Variants in PDZRN4 observed in about 807,000 individuals in gnomAD.
The protein encoded by PDZRN4 is PDZ domain-containing RING finger protein 4.
PDZRN4 carries 70 observed loss-of-function variants against 99.0 expected under a neutral mutation model. That is an observed-to-expected ratio of 0.71 (90% CI 0.58 to 0.86). The LOEUF (loss-of-function observed/expected upper bound fraction) is 0.86. PDZRN4 is among the 40% of genes least tolerant of loss of function. The probability of loss-of-function intolerance (pLI) is 0.00; values close to 1 mark genes in which losing one functional copy is unlikely to be tolerated. For synonymous variants in PDZRN4, 551 were observed against 501.6 expected (o/e 1.10, Z -1.32); for missense variants, 1,474 against 1,331.2 (o/e 1.11, Z -1.67).
intron 3 of PDZRN4, among the ~76,000 whole-genome samples, chr12:41,437,209 A>G (rs1445801388): frequency 1.3e-5 from 2 of 152,176 alleles, no homozygotes; most frequent in African/African-American, 4.8e-5. Context: ...TTAAAACTGA[A>G]TGATGCCCCT....
chr12:41,341,574 A>G (rs1951816972), intron 3 of PDZRN4, among the ~76,000 whole-genome samples: 1 of 151,888 alleles, frequency 6.6e-6, no homozygotes, highest in Non-Finnish European at 1.5e-5. Context: ...TTAAGAGGAA[A>G]TCAATGAAAC....
At chr12:41,408,334 G>A (rs1461161893) in intron 3 of PDZRN4, among the ~76,000 whole-genome samples, 1 of 152,204 alleles carries the variant, frequency 6.6e-6, no homozygotes, top group Non-Finnish European at 1.5e-5. Flanking sequence ...AAAGATGTTT[G>A]TAAATTGCTT....
At chr12:41,491,104 T>G (rs1937877691) in intron 3 of PDZRN4, among the ~76,000 whole-genome samples, 1 of 152,132 alleles carries the variant, frequency 6.6e-6, no homozygotes, top group Admixed American at 6.6e-5. Context: ...AGCTGTTAAA[T>G]TACACGTACA....
intron 1 of PDZRN4, among the ~76,000 whole-genome samples, chr12:41,191,142 T>C (rs138406323): frequency 6.6e-6 from 1 of 152,340 alleles, no homozygotes; most frequent in East Asian, 1.9e-4. Context: ...CAGAAATCTG[T>C]TTTCAATTGC....
In PDZRN4 at chr12:41,372,843, A is replaced by G. The variant is rs561846306; in HGVS notation, c.844-133613A>G. Among the ~76,000 whole-genome samples, 7 of 152,248 alleles carry G rather than the reference A, an allele frequency of 4.6e-5. No individual in the cohort carries two copies. In the South Asian group the frequency reaches 1.5e-3, roughly 32 times the overall value. On this transcript the variant is annotated intron_variant, in intron 3 of 9. Coordinates refer to ENST00000402685, the MANE Select transcript of PDZRN4 (RefSeq NM_001164595.2). ...GTTATGATGGGATATTTTGATTTGGAAAGAAGTCTATACAGGATGAATTTA... is the reference window on the plus strand; with the variant it reads ...GTTATGATGGGATATTTTGATTTGGGAAGAAGTCTATACAGGATGAATTTA...
intron 3 of PDZRN4, among the ~76,000 whole-genome samples, chr12:41,327,700 C>A (rs1484510007): frequency 6.6e-6 from 1 of 152,146 alleles, no homozygotes; most frequent in Non-Finnish European, 1.5e-5. Flanking sequence ...AGTCACCAGT[C>A]ACTACAACCT....
intron 5 of PDZRN4, among the ~76,000 whole-genome samples, chr12:41,543,428 C>T (rs954936900): frequency 6.6e-6 from 1 of 152,060 alleles, no homozygotes; most frequent in Non-Finnish European, 1.5e-5. Flanking sequence ...AATGCTGGCT[C>T]TGAATTTCCT....
At chr12:41,567,669 G>T in intron 8 of PDZRN4, 114 bp from the exon 9 acceptor site, 6 of 432,804 alleles carry the variant, frequency 1.4e-5, no homozygotes, top group South Asian at 4.7e-5. Flanking sequence ...CTGGTATTCT[G>T]AAGAGAATCA....
chr12:41,551,569 G>T (rs1939057428), intron 5 of PDZRN4, among the ~76,000 whole-genome samples: 1 of 152,104 alleles, frequency 6.6e-6, no homozygotes, highest in Non-Finnish European at 1.5e-5. Flanking sequence ...TCAGCTAGTT[G>T]TTACTGAGTG....
intron 3 of PDZRN4, among the ~76,000 whole-genome samples, chr12:41,316,442 G>C (rs533136965): frequency 6.8e-6 from 1 of 147,780 alleles, no homozygotes; most frequent in South Asian, 2.2e-4. Flanking sequence ...ATGATTACTA[G>C]AGGAAAAAGG....
chr12:41,293,016 C>T (rs752577733), intron 3 of PDZRN4, among the ~76,000 whole-genome samples: 9 of 151,202 alleles, frequency 6.0e-5, no homozygotes, highest in Admixed American at 3.3e-4. Flanking sequence ...CTTGGAGGCA[C>T]GCGCACCTTG....
chr12:41,557,548 C>T (rs1380825948), intron 7 of PDZRN4, among the ~76,000 whole-genome samples: 2 of 152,168 alleles, frequency 1.3e-5, no homozygotes, highest in Admixed American at 6.5e-5. Flanking sequence ...GTCATGGTAA[C>T]ACTCTGCCTG....
chr12:41,569,301 G>A (rs548618180), intron 9 of PDZRN4, among the ~76,000 whole-genome samples: 22 of 152,014 alleles, frequency 1.4e-4, no homozygotes, highest in African/African-American at 5.1e-4. Context: ...TGTATTTTTA[G>A]TACAGATGAG....
intron 3 of PDZRN4, among the ~76,000 whole-genome samples, chr12:41,460,421 G>C (rs911269257): frequency 1.3e-5 from 2 of 152,106 alleles, no homozygotes; most frequent in African/African-American, 4.8e-5. Context: ...TCCTTTTTGT[G>C]TTCAACTTAT....
intron 3 of PDZRN4, among the ~76,000 whole-genome samples, chr12:41,364,167 A>C (rs902123584): frequency 3.3e-5 from 5 of 152,110 alleles, no homozygotes; most frequent in African/African-American, 1.2e-4. Context: ...AGTATGGAAC[A>C]TCCAGTGTAT....
In PDZRN4 at chr12:41,501,995, A is replaced by G. The variant is rs187138525; in HGVS notation, c.844-4461A>G. ...CCCTCTCCACTTTTTTTCTAATCCTACATTTAGTTTGTCTCGGGACAACCA... is the reference window on the plus strand; with the variant it reads ...CCCTCTCCACTTTTTTTCTAATCCTGCATTTAGTTTGTCTCGGGACAACCA... On this transcript the variant is annotated intron_variant, in intron 3 of 9. Transcript: ENST00000402685. Among the ~76,000 whole-genome samples, 365 of 152,188 alleles carry G rather than the reference A, an allele frequency of 2.4e-3. 3 individuals carry two copies. Among genetic ancestry groups the G allele is most frequent in the Non-Finnish European group, 1.1e-3 (72 of 68,002 alleles).
At position 41,369,688 on chromosome 12, in the gene PDZRN4, C is replaced by T. The variant is rs575098784; in HGVS notation, c.844-136768C>T. ...TTATATCATTTTTAAATAAAGTATA[C>T]ATGTAAGTCATAGAATATATTTAAT... On this transcript the variant is annotated intron_variant, in intron 3 of 9. Transcript: ENST00000402685. Among the ~76,000 whole-genome samples, 228 of 152,030 alleles carry T rather than the reference C, an allele frequency of 1.5e-3. 1 individual carries two copies. The highest frequency in any genetic ancestry group is 5.1e-3 in the African/African-American group (212 of 41,522).
chr12:41,272,057 G>A (rs10785194), intron 3 of PDZRN4, among the ~76,000 whole-genome samples: 84,878 of 140,732 alleles, frequency 0.6, 25,731 homozygotes, highest in East Asian at 0.74. Context: ...ACCAAATAGA[G>A]TATTTTTTTT....
chr12:41,364,961 C>G (rs570733748), intron 3 of PDZRN4, among the ~76,000 whole-genome samples: 1 of 151,884 alleles, frequency 6.6e-6, no homozygotes, highest in South Asian at 2.1e-4. Flanking sequence ...TTCTCTGTTT[C>G]TAAATTATAC....
Sources: allele counts gnomAD v4.1 joint callset (sites outside exome capture counted in the v4.1 genomes callset), GRCh38; gene constraint gnomAD v4.1.1; transcripts MANE v1.5; gene names NCBI Gene and HGNC (gene_info 2026-07-23, HGNC 2026-07-21).